RALYL: variants seen among roughly 807,000 people sequenced by gnomAD.
RALYL encodes RALY RNA binding protein like.
A neutral mutation model predicts 35.1 loss-of-function variants in RALYL; 29 were observed. That is an observed-to-expected ratio of 0.83 (90% CI 0.61 to 1.13). The LOEUF is 1.13. Among genes scored for constraint, RALYL ranks in the 50% most tolerant of loss-of-function variants. The pLI is 0.00. For synonymous variants in RALYL, 120 were observed against 127.6 expected (o/e 0.94, Z 0.40); for missense variants, 359 against 360.4 (o/e 1.00, Z 0.03).
At chr8:84,475,801 A>G (rs563058834) in intron 1 of RALYL, among the ~76,000 whole-genome samples, 70 of 152,310 alleles carry the variant, frequency 4.6e-4, no homozygotes, top group African/African-American at 1.6e-3. Context: ...TTTGGAGTGG[A>G]TCAAATCTGT....
At chr8:84,697,051 C>G (rs559915587) in intron 2 of RALYL, among the ~76,000 whole-genome samples, 1 of 151,948 alleles carries the variant, frequency 6.6e-6, no homozygotes, top group Non-Finnish European at 1.5e-5. Flanking sequence ...TAAATAGGAA[C>G]AGGAAAGGAA....
chr8:84,564,646 C>T (rs560836031), intron 2 of RALYL, among the ~76,000 whole-genome samples: 4 of 151,668 alleles, frequency 2.6e-5, no homozygotes, highest in Admixed American at 6.6e-5. Flanking sequence ...CCTGAATTGT[C>T]GGTTACTTTT....
chr8:84,892,627 AC>A (rs1388800242), intron 8 of RALYL, among the ~76,000 whole-genome samples: 12 of 149,214 alleles, frequency 8.0e-5, no homozygotes, highest in African/African-American at 2.8e-4. Flanking sequence ...AAAAAAAAAA[AC>A]CAACATGGCA....
At chr8:84,513,657 T>G (rs1334155803) in intron 1 of RALYL, among the ~76,000 whole-genome samples, 1 of 152,136 alleles carries the variant, frequency 6.6e-6, no homozygotes, top group Non-Finnish European at 1.5e-5. Flanking sequence ...AAACGTTTAG[T>G]TTTTTTAATT....
chr8:84,237,212 T>C (rs1452140903), intron 1 of RALYL, among the ~76,000 whole-genome samples: 1 of 151,992 alleles, frequency 6.6e-6, no homozygotes, highest in Non-Finnish European at 1.5e-5. Context: ...GAGAGAGAAG[T>C]GAACCAGGGA....
chr8:84,814,808 GA>G (rs34546904), intron 4 of RALYL, among the ~76,000 whole-genome samples: 6 of 152,208 alleles, frequency 3.9e-5, no homozygotes, highest in Middle Eastern at 3.4e-3. Flanking sequence ...ATTGAGGGGG[GA>G]AAAAAGACCT....
chr8:84,527,121 A>C (rs535269574), intron 1 of RALYL, among the ~76,000 whole-genome samples: 4 of 152,368 alleles, frequency 2.6e-5, no homozygotes, highest in South Asian at 4.1e-4. Context: ...TCTTATAAAC[A>C]CTGATAGAAA....
At chr8:84,214,862 A>G (rs1259904144) in intron 1 of RALYL, among the ~76,000 whole-genome samples, 2 of 151,910 alleles carry the variant, frequency 1.3e-5, no homozygotes, top group Non-Finnish European at 2.9e-5. Flanking sequence ...TACATTTTGT[A>G]TCATTTTTCT....
intron 1 of RALYL, among the ~76,000 whole-genome samples, chr8:84,287,159 G>T (rs142193231): frequency 0.012 from 1,898 of 152,138 alleles, 20 homozygotes; most frequent in Middle Eastern, 0.041. Context: ...TTCCATGCTT[G>T]GGAGTAGGGG....
At chr8:84,711,371 G>T (rs1842158688) in intron 2 of RALYL, among the ~76,000 whole-genome samples, 1 of 152,086 alleles carries the variant, frequency 6.6e-6, no homozygotes. Context: ...AGTTTTAAAA[G>T]TATTTTTAAA....
At chr8:84,784,390 C>T (rs1280428298) in intron 3 of RALYL, among the ~76,000 whole-genome samples, 6 of 152,118 alleles carry the variant, frequency 3.9e-5, no homozygotes, top group African/African-American at 7.2e-5. Context: ...CCTTTTTCCT[C>T]GGTCATCTAG....
At chr8:84,789,436 T>G (rs1378335062) in intron 3 of RALYL, among the ~76,000 whole-genome samples, 2 of 152,244 alleles carry the variant, frequency 1.3e-5, no homozygotes, top group Non-Finnish European at 2.9e-5. Context: ...TTAAATGGAA[T>G]TGTAACATAA....
chr8:84,436,583 C>A (rs1003550872), intron 1 of RALYL, among the ~76,000 whole-genome samples: 5 of 43,448 alleles, frequency 1.2e-4, no homozygotes, highest in Non-Finnish European at 2.1e-4. Flanking sequence ...AAGTTTTAAG[C>A]TACTTATTTA....
At chr8:84,189,106 G>C (rs1034513237) in intron 1 of RALYL, among the ~76,000 whole-genome samples, 23 of 152,122 alleles carry the variant, frequency 1.5e-4, no homozygotes, top group African/African-American at 5.6e-4. Flanking sequence ...TGGGGGTCAA[G>C]ACTCTAAGAG....
chr8:84,246,641 A>G (rs1254139107), intron 1 of RALYL, among the ~76,000 whole-genome samples: 1 of 152,144 alleles, frequency 6.6e-6, no homozygotes, highest in Non-Finnish European at 1.5e-5. Flanking sequence ...CTGAGAAGAG[A>G]CTGGAGACTT....
chr8:84,915,714 G>A (rs1056433284), intron 8 of RALYL, among the ~76,000 whole-genome samples: 1 of 152,036 alleles, frequency 6.6e-6, no homozygotes, highest in Admixed American at 6.6e-5. Context: ...GAACCACTCT[G>A]ATTCTCTGAT....
intron 4 of RALYL, among the ~76,000 whole-genome samples, chr8:84,847,912 T>A (rs2134742692): frequency 6.6e-6 from 1 of 152,290 alleles, no homozygotes; most frequent in East Asian, 1.9e-4. Flanking sequence ...TTAGGTCTGC[T>A]CTTAGATCAG....
At chr8:84,887,320 A>G (rs990798137) in intron 7 of RALYL, among the ~76,000 whole-genome samples, 17 of 152,152 alleles carry the variant, frequency 1.1e-4, no homozygotes, top group African/African-American at 4.1e-4. Context: ...AGAAAGATCA[A>G]TCTGTTTATG....
intron 1 of RALYL, among the ~76,000 whole-genome samples, chr8:84,418,569 A>T (rs1408876372): frequency 6.6e-6 from 1 of 152,114 alleles, no homozygotes; most frequent in Non-Finnish European, 1.5e-5. Flanking sequence ...CTCTAGGTAC[A>T]GTTTTATATT....
Sources: allele counts gnomAD v4.1 joint callset (sites outside exome capture counted in the v4.1 genomes callset), GRCh38; gene constraint gnomAD v4.1.1; transcripts MANE v1.5; gene names NCBI Gene and HGNC (gene_info 2026-07-23, HGNC 2026-07-21).